Variants in RASGEF1C observed in about 807,000 individuals in gnomAD.
RASGEF1C encodes RasGEF domain family member 1C, also known as ras-GEF domain-containing family member 1C.
A neutral mutation model predicts 58.1 loss-of-function variants in RASGEF1C; 27 were observed. That is an observed-to-expected ratio of 0.46 (90% CI 0.34 to 0.64). RASGEF1C has a LOEUF of 0.64. Among genes scored for constraint, RASGEF1C ranks in the 30% least tolerant of loss-of-function variants. RASGEF1C has a pLI of 0.01. For missense variants in RASGEF1C, 502 were observed against 605.1 expected, an observed-to-expected ratio of 0.83 and a Z score of 1.79; for synonymous variants, 243 against 246.3, an observed-to-expected ratio of 0.99 and a Z score of 0.13.
chr5:180,138,179 GC>G, intron 1 of RASGEF1C, 121 bp from the exon 2 acceptor site: 1 of 568,584 alleles, frequency 1.8e-6, no homozygotes, highest in Non-Finnish European at 3.0e-6. Context: ...GCCACTTTGT[GC>G]CAGCTTGAGT....
intron 4 of RASGEF1C, among the ~76,000 whole-genome samples, chr5:180,135,009 G>A (rs1237486717): frequency 6.8e-6 from 1 of 147,990 alleles, no homozygotes; most frequent in East Asian, 2.1e-4. Flanking sequence ...CTTCCCAGCC[G>A]GCCAGCCAGC....
intron 4 of RASGEF1C, 79 bp downstream of exon 4, chr5:180,136,299 C>T: frequency 7.0e-7 from 1 of 1,418,562 alleles, no homozygotes; most frequent in Non-Finnish European, 9.5e-7. Flanking sequence ...GATGAGGGCC[C>T]TGGGGTGCGG....
intron 1 of RASGEF1C, among the ~76,000 whole-genome samples, chr5:180,174,364 G>A (rs538287528): frequency 6.6e-6 from 1 of 152,258 alleles, no homozygotes; most frequent in East Asian, 1.9e-4. Flanking sequence ...CTTCAAGCAG[G>A]CAGAGAAAAG....
Position 180,132,549 on chromosome 5 carries a change from G to C in RASGEF1C, c.438+3829C>G, listed in dbSNP as rs375471019. On this transcript the variant is annotated intron_variant, in intron 4 of 13. Coordinates refer to ENST00000361132, the MANE Select transcript of RASGEF1C (RefSeq NM_175062.4). ...TGGCAGAAAGCCGACGCAGGAGCTC[G>C]TGAGGCTCCTAGGGGTCTGCTCCCT... Among the ~76,000 whole-genome samples, 3 of 152,224 alleles carry C rather than the reference G, an allele frequency of 2.0e-5. No homozygotes were observed. In the East Asian group the frequency reaches 5.8e-4, roughly 29 times the overall value.
At chr5:180,206,803 G>C (rs1024719817) in intron 1 of RASGEF1C, among the ~76,000 whole-genome samples, 2 of 152,162 alleles carry the variant, frequency 1.3e-5, no homozygotes, top group African/African-American at 4.8e-5. Flanking sequence ...TTACTTTCAG[G>C]ACATACTTCT....
chr5:180,202,744 C>G (rs1468873611), intron 1 of RASGEF1C, among the ~76,000 whole-genome samples: 1 of 151,320 alleles, frequency 6.6e-6, no homozygotes, highest in Non-Finnish European at 1.5e-5. Flanking sequence ...TCGCTGTCGC[C>G]CAGGCTGGAG....
intron 1 of RASGEF1C, among the ~76,000 whole-genome samples, chr5:180,148,629 C>T (rs1481692779): frequency 6.6e-6 from 1 of 152,084 alleles, no homozygotes; most frequent in East Asian, 1.9e-4. Context: ...AGTTCTGTCC[C>T]CACCCTGTTA....
Position 180,118,592 on chromosome 5 carries a change from A to T in RASGEF1C, c.1083+17T>A, listed in dbSNP as rs372297909. The stretch of plus-strand genomic sequence containing the variant: ...TCCCTGCTGCAGCCCCCCTGGGCCA[A>T]CGTGGCCCCGACCTACCTTCTCTCG... On this transcript the variant is annotated intron_variant, in intron 10 of 13. Coordinates refer to ENST00000361132, the MANE Select transcript of RASGEF1C (RefSeq NM_175062.4). 5 of 1,590,924 alleles carry T rather than the reference A, an allele frequency of 3.1e-6. No individual in the cohort carries two copies. Among genetic ancestry groups the T allele is most frequent in the Non-Finnish European group, 4.3e-6 (5 of 1,168,872 alleles).
chr5:180,178,978 G>A (rs1767276740), intron 1 of RASGEF1C, among the ~76,000 whole-genome samples: 1 of 152,178 alleles, frequency 6.6e-6, no homozygotes, highest in Non-Finnish European at 1.5e-5. Flanking sequence ...GAGGGCTGAA[G>A]CAGGATGAGG....
intron 1 of RASGEF1C, among the ~76,000 whole-genome samples, chr5:180,148,454 G>A (rs1009169165): frequency 1.3e-5 from 2 of 148,168 alleles, no homozygotes; most frequent in African/African-American, 5.0e-5. Flanking sequence ...TTCTTTTTTT[G>A]TGGTGAAACA....
intron 6 of RASGEF1C, among the ~76,000 whole-genome samples, chr5:180,122,181 A>G (rs887316352): frequency 1.3e-5 from 2 of 152,226 alleles, no homozygotes; most frequent in African/African-American, 4.8e-5. Flanking sequence ...AGAGTCTCAC[A>G]GGAGCCTAAC....
chr5:180,119,910 G>T (rs1284232446), intron 7 of RASGEF1C, among the ~76,000 whole-genome samples: 1 of 152,186 alleles, frequency 6.6e-6, no homozygotes, highest in African/African-American at 2.4e-5. Context: ...GTAAACCCTT[G>T]TCTGTGGCCA....
At chr5:180,181,614 G>C (rs1442065000) in intron 1 of RASGEF1C, among the ~76,000 whole-genome samples, 1 of 152,228 alleles carries the variant, frequency 6.6e-6, no homozygotes, top group Non-Finnish European at 1.5e-5. Flanking sequence ...GAATGCAGAA[G>C]ATTTCTAACA....
intron 1 of RASGEF1C, among the ~76,000 whole-genome samples, chr5:180,139,537 G>A (rs1766542055): frequency 6.6e-6 from 1 of 152,226 alleles, no homozygotes; most frequent in African/African-American, 2.4e-5. Context: ...CTGGGACTGG[G>A]TTACAGCATG....
intron 11 of RASGEF1C, among the ~76,000 whole-genome samples, chr5:180,111,900 TAA>T (rs1436128999): frequency 1.3e-5 from 2 of 152,244 alleles, no homozygotes; most frequent in Non-Finnish European, 2.9e-5. Flanking sequence ...GTAATTCATT[TAA>T]GTGTGATTTT....
intron 12 of RASGEF1C, among the ~76,000 whole-genome samples, chr5:180,110,562 C>T (rs1442384673): frequency 6.6e-6 from 1 of 152,174 alleles, no homozygotes; most frequent in Non-Finnish European, 1.5e-5. Context: ...GCCCACAGGG[C>T]CACTTGCTTC....
At chr5:180,206,682 T>C (rs966835921) in intron 1 of RASGEF1C, among the ~76,000 whole-genome samples, 1 of 152,144 alleles carries the variant, frequency 6.6e-6, no homozygotes, top group Non-Finnish European at 1.5e-5. Context: ...AAAAACAAAA[T>C]TGTTCATCCA....
rs1036738656 is a variant in RASGEF1C, at chr5:180,156,388, G to A, written c.-6-18330C>T. The stretch of plus-strand genomic sequence containing the variant: ...TGAGCAGGGTTGAAAGGGAGTCTTC[G>A]GAAACACTGGGCTCAGCACAGTTGG... On this transcript the variant is annotated intron_variant, in intron 1 of 13. Transcript: ENST00000361132. This position sits in a 1 kb window ranked among gnomAD's most constrained non-coding sequence, Gnocchi z 4.9. Among the ~76,000 whole-genome samples, 1 of 152,154 alleles carries A rather than the reference G, an allele frequency of 6.6e-6. No individual in the cohort carries two copies. The highest frequency in any genetic ancestry group is 1.5e-5 in the Non-Finnish European group (1 of 68,026).
chr5:180,199,106 A>G (rs543259820), intron 1 of RASGEF1C, among the ~76,000 whole-genome samples: 7 of 152,246 alleles, frequency 4.6e-5, no homozygotes, highest in Non-Finnish European at 7.4e-5. Context: ...GCTGGCAGAC[A>G]TGCAGCCCCC....
Sources: gnomAD v4.1 joint callset for allele counts (sites outside exome capture counted in the v4.1 genomes callset) on GRCh38, gnomAD v4.1.1 for gene constraint, Gnocchi (gnomAD v3.1) non-coding constraint, MANE v1.5 for transcripts, NCBI Gene and HGNC (gene_info 2026-07-23, HGNC 2026-07-21) for gene names.